KDM5A: variants seen among roughly 807,000 people sequenced by gnomAD.
KDM5A encodes the protein lysine demethylase 5A.
Under a neutral mutation model 193.5 loss-of-function variants are expected in KDM5A, and 42 were observed. That is an observed-to-expected ratio of 0.22 (90% confidence interval 0.17 to 0.28). The LOEUF is 0.28. KDM5A is among the 10% of genes least tolerant of loss of function. KDM5A has a pLI of 1.00. For missense variants in KDM5A, 1,692 were observed against 2,055.1 expected, an observed-to-expected ratio of 0.82 and a Z score of 3.42; for synonymous variants, 796 against 718.1, an observed-to-expected ratio of 1.11 and a Z score of -1.73.
At chr12:331,759 C>T in intron 13 of KDM5A, 60 bp downstream of exon 13, 1 of 1,604,084 alleles carries the variant, frequency 6.2e-7, no homozygotes, top group South Asian at 1.1e-5. Flanking sequence ...GGCAACTAAG[C>T]TGCTTTATAT....
intron 3 of KDM5A, among the ~76,000 whole-genome samples, chr12:370,925 T>C (rs1944420117): frequency 6.6e-6 from 1 of 152,226 alleles, no homozygotes; most frequent in Non-Finnish European, 1.5e-5. Context: ...TTCATCCATG[T>C]CCCTGGAAAG....
At chr12:295,386 G>A (rs901138484) in intron 26 of KDM5A, among the ~76,000 whole-genome samples, 187 bp downstream of exon 26, 1 of 151,884 alleles carries the variant, frequency 6.6e-6, no homozygotes, top group African/African-American at 2.4e-5. Flanking sequence ...GAGGGAGGAA[G>A]GAGGGAGGGA....
Position 309,859 on chromosome 12 carries a change from C to T in KDM5A, c.3322G>A (p.Glu1108Lys), listed in dbSNP as rs374192591. 6.2e-7 allele frequency: 1 copy of T among 1,614,106 alleles called. No homozygotes were observed. The highest frequency in any genetic ancestry group is 1.7e-5 in the Admixed American group (1 of 60,006). Residue 1108 changes from glutamate to lysine, a missense_variant, in exon 22 of 28, where the codon GAG (glutamate) becomes AAG (lysine). This residue lies in a region of KDM5A where 965 missense variants were observed against 1,061.0 expected (regional missense o/e 0.91). Transcript: ENST00000399788. The part of the protein sequence containing the change: ...EKEKEKDLDL[E>K]PLSDLEEGLE... ...CCTTCCTCCAGATCACTCAGAGGCT[C>T]CAGGTCCAGATCCTTTTCTTTTTCT...
In KDM5A at chr12:323,210, C is replaced by CAGAAAAAAAAA; in HGVS notation, c.2151-5_2151-4insTTTTTTTTTCT. 3.4e-6 allele frequency: 1 copy of CAGAAAAAAAAA among 294,574 alleles called. No homozygotes were observed. The highest frequency in any genetic ancestry group is 4.8e-6 in the Non-Finnish European group (1 of 209,434). 18.2% of individuals were successfully genotyped at this position (294,574 alleles called of 1,614,324 possible). A position where few individuals can be genotyped will look rare whatever the true frequency, so the allele number is the denominator to read the frequency against. ...GTCTTCTAATGGGTAGCGATATCTA[C>CAGAAAAAAAAA]AAAAAAAAAAAAAAAAAAAAAAAAA... On this transcript the variant is annotated splice_polypyrimidine_tract_variant and splice_region_variant and intron_variant, in intron 15 of 27. Transcript: ENST00000399788.
At position 285,596 on chromosome 12, in the gene KDM5A, G is replaced by C; in HGVS notation, c.4933C>G (p.Pro1645Ala). 2 of 1,613,986 alleles carry C rather than the reference G, an allele frequency of 1.2e-6. No homozygotes were observed. The highest frequency in any genetic ancestry group is 8.5e-7 in the Non-Finnish European group (1 of 1,179,944). Residue 1645 changes from proline (P) to alanine (A), a missense_variant, in exon 28 of 28, where the codon CCA (proline) becomes GCA (alanine). Pro to Ala is a conservative substitution (Grantham distance 27). This residue lies in a region of KDM5A where 23 missense variants were observed against 61.5 expected (regional missense o/e 0.37). Coordinates refer to ENST00000399788, the MANE Select transcript of KDM5A (RefSeq NM_001042603.3). ...WFHQVCVGVS[P>A]EMAENEDYIC... ...TAATCTTCATTTTCAGCCATTTCTG[G>C]AGATACACCCACACAAACTTGATGA...
chr12:334,865 A>G (rs1214154426), intron 10 of KDM5A, among the ~76,000 whole-genome samples: 1 of 152,268 alleles, frequency 6.6e-6, no homozygotes, highest in Non-Finnish European at 1.5e-5. Context: ...GAAGACTGAC[A>G]TGATGCAGAA....
At position 280,865 on chromosome 12, in the gene KDM5A, G is replaced by A. The variant is rs1943148206; in HGVS notation, c.*4591C>T. The A allele has an allele frequency of 4.3e-6, 1 of 232,856 alleles. No individual in the cohort carries two copies. The highest frequency in any genetic ancestry group is 2.2e-5 in the African/African-American group (1 of 45,318). The allele number at this position is 232,856 out of a possible 1,614,324, so 14.4% of individuals were successfully genotyped here. A position where few individuals can be genotyped will look rare whatever the true frequency, so the allele number is the denominator to read the frequency against. ...AACACTATTCTCAGCAATGATAATA[G>A]GCTAATCACACCACTGATCAAATTA... is the stretch of plus-strand genomic sequence containing the variant. On this transcript the variant is annotated 3_prime_UTR_variant, in exon 28 of 28. Coordinates refer to ENST00000399788, the MANE Select transcript of KDM5A (RefSeq NM_001042603.3).
chr12:352,529 A>G (rs987117351), intron 8 of KDM5A, among the ~76,000 whole-genome samples: 2 of 152,202 alleles, frequency 1.3e-5, no homozygotes, highest in Non-Finnish European at 2.9e-5. Context: ...CAGCCTTCCA[A>G]TAGGAAGGTA....
At chr12:348,104 G>A (rs1001227407) in intron 10 of KDM5A, among the ~76,000 whole-genome samples, 1 of 152,134 alleles carries the variant, frequency 6.6e-6, no homozygotes, top group East Asian at 1.9e-4. Context: ...GTGGGCAAAG[G>A]ATATGAACAG....
chr12:322,380 G>A (rs1318296818), intron 17 of KDM5A, 37 bp downstream of exon 17: 1 of 1,601,272 alleles, frequency 6.2e-7, no homozygotes. Flanking sequence ...GAAAGAAACA[G>A]GAAAACACTG....
chr12:367,063 G>A (rs1368853604), intron 3 of KDM5A, among the ~76,000 whole-genome samples: 1 of 152,058 alleles, frequency 6.6e-6, no homozygotes, highest in Non-Finnish European at 1.5e-5. Flanking sequence ...ATACCATCTG[G>A]GTTTGTATAA....
intron 10 of KDM5A, among the ~76,000 whole-genome samples, chr12:347,140 C>A (rs1366751692): frequency 3.3e-5 from 5 of 152,244 alleles, no homozygotes; most frequent in African/African-American, 4.8e-5. Flanking sequence ...ACAGCCAAAT[C>A]ATGAGTGAAC....
chr12:331,691 A>G, intron 13 of KDM5A, 128 bp downstream of exon 13: 1 of 921,456 alleles, frequency 1.1e-6, no homozygotes, highest in South Asian at 1.3e-5. Flanking sequence ...TACAATAGCC[A>G]CTCCAGTCTC....
At chr12:387,972 G>C (rs980368695) in intron 1 of KDM5A, among the ~76,000 whole-genome samples, 1 of 124,844 alleles carries the variant, frequency 8.0e-6, no homozygotes, top group African/African-American at 3.1e-5. Context: ...AACGACTAAA[G>C]CAATGGTTCG....
At chr12:371,852 G>C (rs1241305170) in intron 3 of KDM5A, among the ~76,000 whole-genome samples, 1 of 152,116 alleles carries the variant, frequency 6.6e-6, no homozygotes, top group East Asian at 1.9e-4. Context: ...CCATTAAATA[G>C]GGAATCCTTT....
intron 3 of KDM5A, 60 bp downstream of exon 3, chr12:383,971 A>G: frequency 6.4e-7 from 1 of 1,551,442 alleles, no homozygotes; most frequent in Admixed American, 1.7e-5. Context: ...TACCAAATCT[A>G]TTTGATATTC....
intron 10 of KDM5A, among the ~76,000 whole-genome samples, chr12:338,384 T>C (rs1943960010): frequency 6.6e-6 from 1 of 152,196 alleles, no homozygotes; most frequent in South Asian, 2.1e-4. Flanking sequence ...TGAACACACA[T>C]GTAAAGCACT....
intron 24 of KDM5A, among the ~76,000 whole-genome samples, chr12:306,653 G>C (rs1224128378): frequency 1.3e-5 from 2 of 150,962 alleles, no homozygotes; most frequent in Non-Finnish European, 2.9e-5. Flanking sequence ...TGAGGCACAA[G>C]AATTGCTTGA....
At chr12:347,577 G>A (rs538693448) in intron 10 of KDM5A, among the ~76,000 whole-genome samples, 16 of 152,212 alleles carry the variant, frequency 1.1e-4, no homozygotes, top group African/African-American at 3.6e-4. Flanking sequence ...ATAGACCAAT[G>A]GAACAGAACA....
Sources: gnomAD v4.1 joint callset for allele counts (sites outside exome capture counted in the v4.1 genomes callset) on GRCh38, gnomAD v4.1.1 for gene constraint, gnomAD v4.1.1 regional missense constraint, MANE v1.5 for transcripts, NCBI Gene and HGNC (gene_info 2026-07-23, HGNC 2026-07-21) for gene names.